DACH2: variants seen among roughly 807,000 people sequenced by gnomAD.
The protein encoded by DACH2 is dachshund homolog 2.
In DACH2, 17 loss-of-function variants were observed where a neutral mutation model predicts 35.8. The ratio of observed to expected loss-of-function variants is 0.48; its 90% CI spans 0.33 to 0.71. DACH2 has a LOEUF of 0.71. Ranked by LOEUF, DACH2 falls within the 30% of genes least tolerant of loss-of-function variation. The probability of loss-of-function intolerance (pLI) is 0.02; values close to 1 mark genes in which losing one functional copy is unlikely to be tolerated. For synonymous variants in DACH2, 195 were observed against 177.3 expected, an observed-to-expected ratio of 1.10 and a Z score of -0.79; for missense variants, 469 against 472.7, an observed-to-expected ratio of 0.99 and a Z score of 0.07.
intron 6 of DACH2, among the ~76,000 whole-genome samples, chrX:86,738,244 A>G (rs1037958881): frequency 4.5e-5 from 5 of 111,661 alleles, no homozygotes; most frequent in African/African-American, 1.6e-4. Context: ...TAAGTTGGGG[A>G]GGTGGCATCA....
intron 3 of DACH2, among the ~76,000 whole-genome samples, chrX:86,648,478 T>G (rs1238701915): frequency 1.8e-5 from 2 of 111,254 alleles, no homozygotes; most frequent in African/African-American, 6.5e-5. Flanking sequence ...GGATAAGAAT[T>G]TAATTGAACA....
chrX:86,375,742 AT>A (rs1198794758), intron 1 of DACH2, among the ~76,000 whole-genome samples: 3 of 108,546 alleles, frequency 2.8e-5, no homozygotes, highest in African/African-American at 1.0e-4. Context: ...ATATATTTTC[AT>A]TTTTTTTAGA....
intron 6 of DACH2, among the ~76,000 whole-genome samples, chrX:86,725,780 C>T (rs969084173): frequency 5.4e-5 from 6 of 111,161 alleles, no homozygotes; most frequent in East Asian, 5.7e-4. Context: ...GGTTCATGCT[C>T]GTGTTGCTGG....
intron 5 of DACH2, among the ~76,000 whole-genome samples, chrX:86,697,172 A>G (rs1356774262): frequency 1.8e-5 from 2 of 111,738 alleles, no homozygotes; most frequent in Non-Finnish European, 3.8e-5. Context: ...ACCTAATCAT[A>G]AGATTATAGA....
intron 2 of DACH2, among the ~76,000 whole-genome samples, chrX:86,388,969 C>T (rs1405147386): frequency 9.0e-6 from 1 of 111,045 alleles, no homozygotes; most frequent in East Asian, 2.8e-4. Flanking sequence ...GACTTTAAGG[C>T]TTATATAAAA....
In DACH2 at chrX:86,438,008, T is replaced by A. The variant is rs1479123589; in HGVS notation, c.527+61146T>A. On this transcript the variant is annotated intron_variant, in intron 2 of 11. Transcript: ENST00000373125. ...TACTAAGCCTAGTACCCAATAGTTT[T>A]TTTCTGAGTATCTCCTCCTCCTCCT... Among the ~76,000 whole-genome samples, 6 of 109,578 alleles carry A rather than the reference T, an allele frequency of 5.5e-5. No homozygotes were observed. The Admixed American group carries it at 5.9e-4, about 11-fold the overall frequency.
chrX:86,396,169 G>A (rs1407804264), intron 2 of DACH2, among the ~76,000 whole-genome samples: 2 of 111,663 alleles, frequency 1.8e-5, no homozygotes, highest in Admixed American at 1.9e-4. Context: ...TGTGTTTTTT[G>A]GCTGCATAAA....
chrX:86,246,256 T>A lies in DACH2; in HGVS notation c.488+97148T>A, dbSNP rs1960303. On this transcript the variant is annotated intron_variant, in intron 1 of 11. Transcript: ENST00000373125. ...ATTGGAAACATATTTGAAGATATTGTCCATGAAAAATTTCCCAAACTTGCG... is the reference window on the plus strand; with the variant it reads ...ATTGGAAACATATTTGAAGATATTGACCATGAAAAATTTCCCAAACTTGCG... 2.8e-5 allele frequency among the ~76,000 whole-genome samples: 3 copies of A among 107,335 alleles called. No individual in the cohort carries two copies. The Admixed American group carries it at 2.9e-4, about 10-fold the overall frequency. 93.2% of individuals were successfully genotyped at this position (107,335 alleles called of 115,157 possible).
chrX:86,776,222 C>T (rs12688354), intron 7 of DACH2, among the ~76,000 whole-genome samples: 11,165 of 111,047 alleles, frequency 0.1, 567 homozygotes, highest in East Asian at 0.33. Flanking sequence ...TCTTAGAGTT[C>T]TAGAGGCTCA....
At chrX:86,243,920 T>A (rs917602711) in intron 1 of DACH2, among the ~76,000 whole-genome samples, 5 of 111,633 alleles carry the variant, frequency 4.5e-5, no homozygotes, top group Non-Finnish European at 7.5e-5. Flanking sequence ...ATTAGGAAAT[T>A]GGCAGTATTT....
chrX:86,718,002 T>C (rs2148462751), intron 6 of DACH2, among the ~76,000 whole-genome samples: 1 of 109,485 alleles, frequency 9.1e-6, no homozygotes, highest in South Asian at 3.9e-4. Context: ...TATAGTGAGT[T>C]ATTTTCCTTT....
At chrX:86,437,652 AT>A (rs1333471481) in intron 2 of DACH2, among the ~76,000 whole-genome samples, 1 of 111,279 alleles carries the variant, frequency 9.0e-6, no homozygotes, top group Non-Finnish European at 1.9e-5. Flanking sequence ...CATTGTGTAT[AT>A]ATACCATACT....
intron 1 of DACH2, among the ~76,000 whole-genome samples, chrX:86,264,782 A>G (rs1259996118): frequency 8.9e-6 from 1 of 111,887 alleles, no homozygotes; most frequent in Non-Finnish European, 1.9e-5. Flanking sequence ...GTGTTATGAA[A>G]GAACTGATGG....
chrX:86,423,342 C>T (rs1450029052), intron 2 of DACH2, among the ~76,000 whole-genome samples: 1 of 110,818 alleles, frequency 9.0e-6, no homozygotes, highest in Non-Finnish European at 1.9e-5. Flanking sequence ...TATTGCCTGT[C>T]TTTTGGATAT....
In DACH2 at chrX:86,357,475, A is replaced by T. The variant is rs766093058; in HGVS notation, c.489-19349A>T. On this transcript the variant is annotated intron_variant, in intron 1 of 11. Coordinates refer to ENST00000373125, the MANE Select transcript of DACH2 (RefSeq NM_053281.3). ...CAACCTGGGCTCTCTACAAGAAAACATAAGAAACATAGAGATAAATGTATT... is the reference window on the plus strand; with the variant it reads ...CAACCTGGGCTCTCTACAAGAAAACTTAAGAAACATAGAGATAAATGTATT... Among the ~76,000 whole-genome samples, 4 of 112,353 alleles carry T rather than the reference A, an allele frequency of 3.6e-5. No homozygotes were observed. The Admixed American group carries it at 3.8e-4, about 11-fold the overall frequency.
At chrX:86,764,569 T>C (rs2041913822) in intron 7 of DACH2, among the ~76,000 whole-genome samples, 1 of 111,930 alleles carries the variant, frequency 8.9e-6, no homozygotes, top group African/African-American at 3.2e-5. Context: ...TTATTCTTTT[T>C]TTATGGCTGG....
chrX:86,651,381 C>T (rs1392325625), intron 4 of DACH2, among the ~76,000 whole-genome samples: 1 of 112,185 alleles, frequency 8.9e-6, no homozygotes, highest in Non-Finnish European at 1.9e-5. Flanking sequence ...TAGTTATCTT[C>T]ACTGTTTTGC....
chrX:86,635,728 C>T (rs934530232), intron 3 of DACH2, among the ~76,000 whole-genome samples: 1 of 111,447 alleles, frequency 9.0e-6, no homozygotes, highest in African/African-American at 3.3e-5. Context: ...CATTCCTATA[C>T]ACCAACAACA....
At chrX:86,502,726 C>A (rs745901883) in intron 2 of DACH2, among the ~76,000 whole-genome samples, 1 of 111,987 alleles carries the variant, frequency 8.9e-6, no homozygotes, top group South Asian at 3.7e-4. Context: ...ATAGATAATT[C>A]CCAGAAGGAG....
Sources: allele counts gnomAD v4.1 joint callset (sites outside exome capture counted in the v4.1 genomes callset), GRCh38; gene constraint gnomAD v4.1.1; transcripts MANE v1.5; gene names NCBI Gene and HGNC (gene_info 2026-07-23, HGNC 2026-07-21).